The following SGCZ variants were observed in gnomAD, a reference collection of about 807,000 sequenced individuals.
The protein encoded by SGCZ is zeta-sarcoglycan.
A neutral mutation model predicts 41.3 loss-of-function variants in SGCZ; 40 were observed. The ratio of observed to expected loss-of-function variants is 0.97; its 90% CI spans 0.75 to 1.26. The LOEUF (loss-of-function observed/expected upper bound fraction) is 1.26. Ranked by LOEUF, SGCZ falls within the 50% of genes most tolerant of loss-of-function variation. The pLI is 0.00. For synonymous variants in SGCZ, 206 were observed against 137.5 expected, an observed-to-expected ratio of 1.50 and a Z score of -3.49; for missense variants, 552 against 369.8, an observed-to-expected ratio of 1.49 and a Z score of -4.04.
chr8:14,352,616 C>A (rs370956568), intron 2 of SGCZ, among the ~76,000 whole-genome samples: 64 of 152,204 alleles, frequency 4.2e-4, no homozygotes, highest in African/African-American at 1.5e-3. Flanking sequence ...CCTACGTGTC[C>A]TCTGGCTTGG....
At chr8:14,242,376 C>T (rs1189745609) in intron 3 of SGCZ, among the ~76,000 whole-genome samples, 1 of 152,186 alleles carries the variant, frequency 6.6e-6, no homozygotes, top group East Asian at 1.9e-4. Flanking sequence ...ATAAAACCAT[C>T]CACGAAGGGT....
intron 1 of SGCZ, among the ~76,000 whole-genome samples, chr8:14,681,568 G>A (rs4831634): frequency 0.43 from 65,167 of 151,870 alleles, 15,637 homozygotes; most frequent in Non-Finnish European, 0.56. Flanking sequence ...ATAAAGAGAA[G>A]CTAAAGTTAT....
chr8:15,223,549 C>G (rs554793764), intron 1 of SGCZ, among the ~76,000 whole-genome samples: 3 of 152,162 alleles, frequency 2.0e-5, no homozygotes, highest in Non-Finnish European at 2.9e-5. Context: ...GTAACCAAAA[C>G]AGAAGACTAA....
intron 1 of SGCZ, chr8:14,690,541 T>A (rs1257806083): frequency 6.6e-6 from 1 of 152,132 alleles, no homozygotes; most frequent in Non-Finnish European, 1.5e-5. Flanking sequence ...TGGAATAAAC[T>A]GAAAGCAACG....
chr8:14,240,375 T>C (rs1798834799), intron 3 of SGCZ, among the ~76,000 whole-genome samples: 1 of 149,674 alleles, frequency 6.7e-6, no homozygotes, highest in South Asian at 2.1e-4. Context: ...GTTTAAAAGT[T>C]TAATCATTCC....
chr8:14,338,495 G>A (rs1468641882), intron 2 of SGCZ, among the ~76,000 whole-genome samples: 2 of 152,144 alleles, frequency 1.3e-5, no homozygotes, highest in African/African-American at 4.8e-5. Flanking sequence ...TTGGGGGCAG[G>A]TGGTGCTTAT....
At chr8:15,202,188 A>T (rs1349735508) in intron 1 of SGCZ, among the ~76,000 whole-genome samples, 1 of 152,220 alleles carries the variant, frequency 6.6e-6, no homozygotes, top group Non-Finnish European at 1.5e-5. Context: ...ATCTTTTGTC[A>T]TTGCTAACCA....
chr8:14,820,284 A>C (rs1338276213), intron 1 of SGCZ, among the ~76,000 whole-genome samples: 1 of 152,060 alleles, frequency 6.6e-6, no homozygotes, highest in Non-Finnish European at 1.5e-5. Context: ...TATACAATGA[A>C]AATGGGATCA....
chr8:14,845,009 T>G (rs1333358725), intron 1 of SGCZ, among the ~76,000 whole-genome samples: 2 of 152,166 alleles, frequency 1.3e-5, no homozygotes, highest in Non-Finnish European at 2.9e-5. Context: ...AGCTAGAATT[T>G]ACAAGATAGA....
At chr8:14,771,093 A>C (rs1800222103) in intron 1 of SGCZ, among the ~76,000 whole-genome samples, 1 of 152,132 alleles carries the variant, frequency 6.6e-6, no homozygotes, top group Non-Finnish European at 1.5e-5. Context: ...CTGATCATGG[A>C]ATATATGGTG....
intron 3 of SGCZ, among the ~76,000 whole-genome samples, chr8:14,277,110 C>T (rs543008592): frequency 6.6e-6 from 1 of 152,186 alleles, no homozygotes; most frequent in Non-Finnish European, 1.5e-5. Flanking sequence ...ACATCCTCCA[C>T]TAATAACATA....
chr8:14,716,605 C>T (rs570264192), intron 1 of SGCZ, among the ~76,000 whole-genome samples: 1 of 152,048 alleles, frequency 6.6e-6, no homozygotes, highest in African/African-American at 2.4e-5. Context: ...ATCCAAAATT[C>T]TATTTGTCTG....
chr8:14,879,835 T>G (rs1246905355), intron 1 of SGCZ: 2 of 150,150 alleles, frequency 1.3e-5, no homozygotes, highest in Non-Finnish European at 3.0e-5. Flanking sequence ...GTTTTTAGGT[T>G]TTTTTTGTTT....
chr8:14,260,618 A>T (rs1436558512), intron 3 of SGCZ, among the ~76,000 whole-genome samples: 1 of 149,454 alleles, frequency 6.7e-6, no homozygotes, highest in African/African-American at 2.4e-5. Context: ...AAGGACTATA[A>T]ATCGTGCTGC....
chr8:15,105,033 C>G (rs1389755759), intron 1 of SGCZ, among the ~76,000 whole-genome samples: 1 of 152,160 alleles, frequency 6.6e-6, no homozygotes, highest in Non-Finnish European at 1.5e-5. Flanking sequence ...CACCAAACTA[C>G]AGTTAAATGA....
intron 1 of SGCZ, among the ~76,000 whole-genome samples, chr8:14,764,831 T>A (rs1246501188): frequency 6.6e-6 from 1 of 152,214 alleles, no homozygotes; most frequent in Admixed American, 6.5e-5. Flanking sequence ...GCTTCTGATA[T>A]GTAGAAGAGT....
chr8:14,654,322 G>A (rs1807492779), intron 1 of SGCZ, among the ~76,000 whole-genome samples: 2 of 151,872 alleles, frequency 1.3e-5, no homozygotes, highest in Non-Finnish European at 2.9e-5. Context: ...TATTTCTGAT[G>A]CTACCTTGAG....
At chr8:14,642,047 C>T (rs981647333) in intron 1 of SGCZ, among the ~76,000 whole-genome samples, 3 of 151,542 alleles carry the variant, frequency 2.0e-5, no homozygotes, top group African/African-American at 7.3e-5. Flanking sequence ...AGTCCATGTA[C>T]CAATGGATCA....
intron 1 of SGCZ, among the ~76,000 whole-genome samples, chr8:14,701,865 G>C (rs1169711227): frequency 1.3e-5 from 2 of 151,568 alleles, no homozygotes; most frequent in African/African-American, 4.8e-5. Context: ...CTCTTTTCTT[G>C]ATCACTCATC....
Sources: gnomAD v4.1 joint callset for allele counts (sites outside exome capture counted in the v4.1 genomes callset) on GRCh38, gnomAD v4.1.1 for gene constraint, MANE v1.5 for transcripts, NCBI Gene and HGNC (gene_info 2026-07-23, HGNC 2026-07-21) for gene names.